PCDH11X: variants seen among roughly 807,000 people sequenced by gnomAD.
PCDH11X encodes the protein protocadherin-11 X-linked.
A neutral mutation model predicts 53.3 loss-of-function variants in PCDH11X; 18 were observed. That is an observed-to-expected ratio of 0.34 (90% CI 0.23 to 0.50). The LOEUF (loss-of-function observed/expected upper bound fraction) is 0.50, where lower values mean the gene tolerates loss of function less well. Among genes scored for constraint, PCDH11X ranks in the 20% least tolerant of loss-of-function variants. The pLI, the probability that PCDH11X is intolerant of heterozygous loss-of-function variation, is 0.98. For synonymous variants in PCDH11X, 279 were observed against 393.3 expected (o/e 0.71, Z 3.44); for missense variants, 570 against 1,032.4 (o/e 0.55, Z 6.14).
At chrX:92,518,748 A>ATTTTTTTT (rs762759156) in intron 10 of PCDH11X, among the ~76,000 whole-genome samples, 1 of 59,441 alleles carries the variant, frequency 1.7e-5, no homozygotes, top group Non-Finnish European at 2.9e-5. Context: ...TACCAATAAA[A>ATTTTTTTT]TTTTTTTTTT....
intron 8 of PCDH11X, among the ~76,000 whole-genome samples, chrX:92,349,950 A>C (rs186965485): frequency 0.03 from 3,238 of 108,907 alleles, 95 homozygotes; most frequent in African/African-American, 0.084. Flanking sequence ...ATGCTCCTTG[A>C]CTTAACAATG....
chrX:91,966,889 G>A (rs1208359979), intron 6 of PCDH11X, among the ~76,000 whole-genome samples: 2 of 109,970 alleles, frequency 1.8e-5, no homozygotes, highest in African/African-American at 3.3e-5. Context: ...CATGTGCCAT[G>A]GTGGTTTGCT....
At chrX:92,451,195 C>A (rs1182962821) in intron 9 of PCDH11X, among the ~76,000 whole-genome samples, 1 of 111,230 alleles carries the variant, frequency 9.0e-6, no homozygotes, top group Non-Finnish European at 1.9e-5. Flanking sequence ...CCGACTGCTA[C>A]ACGACAGCAA....
chrX:91,902,088 G>A (rs1255613047), intron 6 of PCDH11X, among the ~76,000 whole-genome samples: 1 of 111,345 alleles, frequency 9.0e-6, no homozygotes, highest in Non-Finnish European at 1.9e-5. Flanking sequence ...GAAGATGTTA[G>A]GGCCATGTTA....
intron 9 of PCDH11X, among the ~76,000 whole-genome samples, chrX:92,434,131 C>T (rs770344421): frequency 1.7e-4 from 19 of 110,937 alleles, no homozygotes; most frequent in African/African-American, 5.9e-4. Flanking sequence ...TATCTATCAT[C>T]TATCTATCTA....
intron 10 of PCDH11X, among the ~76,000 whole-genome samples, chrX:92,528,503 C>T (rs2074499190): frequency 1.8e-5 from 2 of 110,761 alleles, no homozygotes; most frequent in Non-Finnish European, 3.8e-5. Context: ...ATGTTGGTCA[C>T]GCTGGTCTCG....
chrX:92,314,621 C>A (rs1376260179), intron 8 of PCDH11X, among the ~76,000 whole-genome samples: 1 of 111,368 alleles, frequency 9.0e-6, no homozygotes, highest in East Asian at 2.8e-4. Flanking sequence ...TCACCACAAA[C>A]ACGAGTAATG....
chrX:92,024,718 C>CAAAAAA (rs199917287), intron 6 of PCDH11X, among the ~76,000 whole-genome samples: 437 of 54,016 alleles, frequency 8.1e-3, no homozygotes, highest in Non-Finnish European at 0.014. Flanking sequence ...CAATCCTAAG[C>CAAAAAA]AAAAAAAAAA....
chrX:92,042,930 C>T (rs1256013430), intron 6 of PCDH11X, among the ~76,000 whole-genome samples: 1 of 109,870 alleles, frequency 9.1e-6, no homozygotes, highest in Admixed American at 9.8e-5. Flanking sequence ...TGAGCCACCG[C>T]GCCCGGCCGT....
intron 10 of PCDH11X, among the ~76,000 whole-genome samples, chrX:92,518,599 A>G (rs1478526936): frequency 1.8e-5 from 2 of 110,314 alleles, no homozygotes; most frequent in African/African-American, 6.6e-5. Flanking sequence ...TCTTTCCTCA[A>G]CCTTACAAAA....
intron 6 of PCDH11X, among the ~76,000 whole-genome samples, chrX:92,145,714 TTAATA>T (rs1454885778): frequency 3.9e-5 from 4 of 101,832 alleles, no homozygotes; most frequent in African/African-American, 1.4e-4. Flanking sequence ...AATTAAACTA[TTAATA>T]TAAGAATACA....
At chrX:92,006,998 C>G (rs1012154594) in intron 6 of PCDH11X, among the ~76,000 whole-genome samples, 1 of 111,414 alleles carries the variant, frequency 9.0e-6, no homozygotes, top group East Asian at 2.9e-4. Flanking sequence ...AAAGCTGGAG[C>G]TGGAGTGACA....
chrX:92,553,272 C>T (rs1419348446), intron 10 of PCDH11X, among the ~76,000 whole-genome samples: 7 of 104,264 alleles, frequency 6.7e-5, no homozygotes, highest in African/African-American at 1.4e-4. Context: ...TTTGTCTGTT[C>T]GGGTTTCAGA....
chrX:92,132,117 C>CAAA (rs1213410170), intron 6 of PCDH11X, among the ~76,000 whole-genome samples: 8 of 41,093 alleles, frequency 1.9e-4, no homozygotes, highest in African/African-American at 6.9e-4. Flanking sequence ...ACTAAAAATA[C>CAAA]AAAAAAAAAA....
intron 10 of PCDH11X, among the ~76,000 whole-genome samples, chrX:92,605,400 A>G (rs1926678619): frequency 8.9e-6 from 1 of 111,813 alleles, no homozygotes; most frequent in South Asian, 3.7e-4. Flanking sequence ...ATCAGAAGCA[A>G]GACATAGGAT....
intron 6 of PCDH11X, among the ~76,000 whole-genome samples, chrX:92,038,529 G>T (rs1224112504): frequency 8.9e-6 from 1 of 112,373 alleles, no homozygotes; most frequent in Non-Finnish European, 1.9e-5. Flanking sequence ...TTCAGAAGAG[G>T]TATGGAAATG....
intron 5 of PCDH11X, among the ~76,000 whole-genome samples, chrX:91,838,142 G>A (rs1006076061): frequency 3.6e-5 from 4 of 111,707 alleles, no homozygotes; most frequent in African/African-American, 1.3e-4. Context: ...CCTTAGGGCA[G>A]CTTAATGAAC....
intron 6 of PCDH11X, among the ~76,000 whole-genome samples, chrX:92,072,310 G>A (rs1041902291): frequency 1.8e-5 from 2 of 110,796 alleles, no homozygotes; most frequent in Non-Finnish European, 3.8e-5. Context: ...GGTACCTAGG[G>A]TGCAAGACAA....
At chrX:91,929,759 C>G (rs1190744077) in intron 6 of PCDH11X, among the ~76,000 whole-genome samples, 2 of 111,366 alleles carry the variant, frequency 1.8e-5, no homozygotes, top group Non-Finnish European at 1.9e-5. Context: ...TTCCAGCAGC[C>G]TTTAAGAAAA....
Sources: allele counts gnomAD v4.1 joint callset (sites outside exome capture counted in the v4.1 genomes callset), GRCh38; gene constraint gnomAD v4.1.1; transcripts MANE v1.5; gene names NCBI Gene and HGNC (gene_info 2026-07-23, HGNC 2026-07-21).